RIC1: variants seen among roughly 807,000 people sequenced by gnomAD.
The protein encoded by RIC1 is RIC1 partner of RAB6A GEF complex.
RIC1 carries 88 observed loss-of-function variants against 169.0 expected under a neutral mutation model. That is an observed-to-expected ratio of 0.52 (90% confidence interval 0.44 to 0.62). The LOEUF is 0.62. RIC1 is among the 20% of genes least tolerant of loss of function. The pLI, the probability that RIC1 is intolerant of heterozygous loss-of-function variation, is 0.00. For missense variants in RIC1, 1,877 were observed against 1,725.5 expected (o/e 1.09, Z -1.56); for synonymous variants, 790 against 601.5 (o/e 1.31, Z -4.59).
At chr9:5,777,462 G>A (rs1272209891), downstream of RIC1, among the ~76,000 whole-genome samples, 1 of 150,992 alleles carries the variant, frequency 6.6e-6, no homozygotes, top group Non-Finnish European at 1.5e-5. Context: ...TAGACTGAGT[G>A]TTGTCAGCAT....
At chr9:5,756,426 C>G (rs1456988840) in intron 16 of RIC1, 54 bp downstream of exon 16, 2 of 1,197,574 alleles carry the variant, frequency 1.7e-6, no homozygotes, top group Admixed American at 2.9e-5. Context: ...CCACGTTTCT[C>G]TTTTGTAGTT....
chr9:5,680,706 A>AT (rs973383612), intron 2 of RIC1, among the ~76,000 whole-genome samples: 1 of 142,418 alleles, frequency 7.0e-6, no homozygotes, highest in African/African-American at 2.6e-5. Context: ...CCCCTTTGTC[A>AT]TTTTTTATTG....
Position 5,756,359 on chromosome 9 carries a change from A to G in RIC1, c.1840A>G (p.Arg614Gly), listed in dbSNP as rs1379688209. The G allele has an allele frequency of 4.0e-6, 6 of 1,481,842 alleles. No individual in the cohort carries two copies. In the African/African-American group the frequency reaches 4.2e-5, roughly 10 times the overall value. The allele number at this position is 1,481,842 out of a possible 1,614,324, so 91.8% of individuals were successfully genotyped here. A position where few individuals can be genotyped will look rare whatever the true frequency, so the allele number is the denominator to read the frequency against. ...DCSICLYSIE[R>G]KSDGPNTTAG... Reference sequence around the variant, plus strand: ...TTCAATATGCCTTTACAGTATTGAAAGAAAATCTGATGGGTAAGTATCTGG... The same window carrying G: ...TTCAATATGCCTTTACAGTATTGAAGGAAAATCTGATGGGTAAGTATCTGG... Residue 614 changes from arginine to glycine, a missense_variant, in exon 16 of 26, where the codon AGA (arginine) becomes GGA (glycine). Transcript: ENST00000414202.
chr9:5,700,063 C>A (rs10975250), intron 3 of RIC1, among the ~76,000 whole-genome samples: 42,689 of 148,934 alleles, frequency 0.29, 6,813 homozygotes, highest in East Asian at 0.61. Context: ...TCAGGGTCAT[C>A]GTTCCATGGG....
At chr9:5,757,240 A>G (rs570509153) in intron 16 of RIC1, 73 bp from the exon 17 acceptor site, 12 of 1,498,904 alleles carry the variant, frequency 8.0e-6, no homozygotes, top group East Asian at 2.3e-5. Flanking sequence ...ATCTAATACT[A>G]TTACTAGTGG....
In RIC1 at chr9:5,774,091, C is replaced by G. The variant is rs760965880; in HGVS notation, c.4117C>G (p.Arg1373Gly). The part of the protein sequence containing the change: ...MGKTPEQTSP[R>G]AEESRGSSSH... ...TAAGACTCCAGAACAGACTAGCCCC[C>G]GGGCAGAGGAGAGCAGGGGCTCCTC... Residue 1373 changes from arginine (R) to glycine (G), a missense_variant, in exon 26 of 26, where the codon CGG becomes GGG. By Grantham distance (125) the Arg-to-Gly change is moderately radical. Around this residue, in one of 3 missense-constraint regions of RIC1, gnomAD observed 681 missense variants for 582.0 expected, o/e 1.17. Transcript: ENST00000414202. 6.2e-7 allele frequency: 1 copy of G among 1,614,042 alleles called. No homozygotes were observed.
intron 2 of RIC1, among the ~76,000 whole-genome samples, chr9:5,657,750 A>G (rs1819186277): frequency 6.6e-6 from 1 of 152,172 alleles, no homozygotes. Context: ...AGGAGTTTGC[A>G]GATGACTGAC....
Position 5,743,967 on chromosome 9 carries a change from AT to A in RIC1, c.1095+237del, listed in dbSNP as rs549809585. Reference sequence around the variant, plus strand: ...GCACACCACTATCCACACACGGTTAATTTTTTTGATTTTTAGTAGAGACGTG... The same window carrying A: ...GCACACCACTATCCACACACGGTTAATTTTTTGATTTTTAGTAGAGACGTG... On this transcript the variant is annotated intron_variant, in intron 10 of 25. Transcript: ENST00000414202. Among the ~76,000 whole-genome samples the A allele has an allele frequency of 1.3e-3, 203 of 152,116 alleles. 1 individual carries two copies. The highest frequency in any genetic ancestry group is 4.8e-3 in the African/African-American group (200 of 41,492).
At chr9:5,718,647 G>A (rs78878703) in intron 4 of RIC1, among the ~76,000 whole-genome samples, 6,770 of 152,234 alleles carry the variant, frequency 0.044, 266 homozygotes, top group South Asian at 0.21. Flanking sequence ...GCATATAGTA[G>A]TGCATCTAAA....
chr9:5,637,211 C>T (rs2130273765), intron 1 of RIC1, among the ~76,000 whole-genome samples: 1 of 152,086 alleles, frequency 6.6e-6, no homozygotes, highest in South Asian at 2.1e-4. Flanking sequence ...AGGTGTGCCC[C>T]ACTGCACTTG....
At chr9:5,757,188 G>A in intron 16 of RIC1, 125 bp from the exon 17 acceptor site, 1 of 1,094,114 alleles carries the variant, frequency 9.1e-7, no homozygotes, top group South Asian at 1.4e-5. Flanking sequence ...ATGGGGAGAA[G>A]ATGATAGGTA....
At chr9:5,773,213 A>G in intron 25 of RIC1, 133 bp downstream of exon 25, 1 of 311,338 alleles carries the variant, frequency 3.2e-6, no homozygotes, top group Non-Finnish European at 5.5e-6. Context: ...TTATATGTTC[A>G]TTTTTAAGCT....
At chr9:5,759,969 A>G (rs1764999002) in intron 17 of RIC1, among the ~76,000 whole-genome samples, 1 of 152,222 alleles carries the variant, frequency 6.6e-6, no homozygotes, top group South Asian at 2.1e-4. Flanking sequence ...AGTCCTGGAT[A>G]CCATATTTTG....
chr9:5,687,523 C>T (rs1003140036), intron 2 of RIC1, among the ~76,000 whole-genome samples: 1 of 152,086 alleles, frequency 6.6e-6, no homozygotes, highest in African/African-American at 2.4e-5. Context: ...CAGCATCCCA[C>T]AAATTTTGGG....
At chr9:5,756,081 A>C in intron 15 of RIC1, 131 bp from the exon 16 acceptor site, 1 of 475,354 alleles carries the variant, frequency 2.1e-6, no homozygotes, top group Non-Finnish European at 3.5e-6. Context: ...TAAAGCTTAG[A>C]TAGTTCTTTT....
intron 23 of RIC1, among the ~76,000 whole-genome samples, chr9:5,771,109 CAG>C (rs961836788): frequency 7.2e-5 from 11 of 152,256 alleles, no homozygotes; most frequent in South Asian, 2.1e-4. Flanking sequence ...CGTTTTTAAG[CAG>C]AGTTTGTAGT....
chr9:5,694,475 G>A (rs985447809), intron 3 of RIC1, among the ~76,000 whole-genome samples: 3 of 152,116 alleles, frequency 2.0e-5, no homozygotes, highest in Admixed American at 6.5e-5. Context: ...AAAACATCCC[G>A]TGTCTAATTT....
At chr9:5,759,509 A>G (rs1826206340) in intron 17 of RIC1, among the ~76,000 whole-genome samples, 1 of 152,230 alleles carries the variant, frequency 6.6e-6, no homozygotes, top group African/African-American at 2.4e-5. Context: ...TTTGTGAGGC[A>G]AATGTGATAA....
At chr9:5,655,532 C>T (rs1182210391) in intron 1 of RIC1, among the ~76,000 whole-genome samples, 1 of 152,146 alleles carries the variant, frequency 6.6e-6, no homozygotes, top group Non-Finnish European at 1.5e-5. Context: ...AACTCCTGAC[C>T]TCAGGTGATC....
Sources: gnomAD v4.1 joint callset for allele counts (sites outside exome capture counted in the v4.1 genomes callset) on GRCh38, gnomAD v4.1.1 for gene constraint, gnomAD v4.1.1 regional missense constraint, MANE v1.5 for transcripts, NCBI Gene and HGNC (gene_info 2026-07-23, HGNC 2026-07-21) for gene names.